Variants in NR1H4 observed in about 807,000 individuals in gnomAD.
NR1H4 encodes nuclear receptor subfamily 1 group H member 4, also known as bile acid receptor.
NR1H4 carries 23 observed loss-of-function variants against 58.5 expected under a neutral mutation model. The observed-to-expected ratio is 0.39, with a 90% CI of 0.28 to 0.56. NR1H4 has a LOEUF of 0.56. Ranked by LOEUF, NR1H4 falls within the 20% of genes least tolerant of loss-of-function variation. The pLI is 0.58. For missense variants in NR1H4, 487 were observed against 576.9 expected (o/e 0.84, Z 1.60); for synonymous variants, 214 against 198.0 (o/e 1.08, Z -0.68).
At chr12:100,540,114 T>G (rs1383571226) in intron 8 of NR1H4, among the ~76,000 whole-genome samples, 4 of 152,310 alleles carry the variant, frequency 2.6e-5, no homozygotes, top group Admixed American at 6.5e-5. Flanking sequence ...GAGTGTTATA[T>G]TCCATCAGGT....
intron 9 of NR1H4, among the ~76,000 whole-genome samples, chr12:100,559,724 C>T (rs1327810710): frequency 2.0e-5 from 3 of 152,254 alleles, no homozygotes; most frequent in Admixed American, 1.3e-4. Context: ...CCCTGCTCCA[C>T]GGCGCCCAGT....
In NR1H4 at chr12:100,503,412, G is replaced by T. The variant is rs202244290; in HGVS notation, c.80-7366G>T. On this transcript the variant is annotated intron_variant, in intron 3 of 10. Coordinates refer to ENST00000392986, the MANE Select transcript of NR1H4 (RefSeq NM_001206979.2). ...AATGGTAATGCAGTTTCAGGGGTTA[G>T]AAAATCCAATTCAAATTAGTCCTCA... The T allele has an allele frequency of 3.8e-5, 61 of 1,597,478 alleles. No individual in the cohort carries two copies. Among genetic ancestry groups the T allele is most frequent in the Non-Finnish European group, 4.8e-5 (57 of 1,179,406 alleles).
intron 9 of NR1H4, among the ~76,000 whole-genome samples, chr12:100,561,243 A>G (rs1955464850): frequency 6.6e-6 from 1 of 151,514 alleles, no homozygotes; most frequent in Non-Finnish European, 1.5e-5. Context: ...AAAAAATACC[A>G]AAAAATTAGC....
Position 100,547,966 on chromosome 12 carries a change from C to T in NR1H4, c.1078+7148C>T, listed in dbSNP as rs903465511. 2.6e-3 allele frequency among the ~76,000 whole-genome samples: 399 copies of T among 151,132 alleles called. 6 individuals carry two copies. Among genetic ancestry groups the T allele is most frequent in the East Asian group, 1.6e-3 (8 of 4,974 alleles). The stretch of plus-strand genomic sequence containing the variant: ...CGATCTCCTGACCTCATGATTCGCC[C>T]GCCTTGGCCTCCCAAAGTGCTGGGA... On this transcript the variant is annotated intron_variant, in intron 9 of 10. Transcript: ENST00000392986.
Position 100,561,878 on chromosome 12 carries a change from C to G in NR1H4, c.1079-7C>G. On this transcript the variant is annotated splice_polypyrimidine_tract_variant and splice_region_variant and intron_variant, in intron 9 of 10. Transcript: ENST00000392986. The stretch of plus-strand genomic sequence containing the variant: ...AATTGTATTATGATTGCAACTTTCC[C>G]CCACAGGTATCTCTGATGAATATAT... The G allele has an allele frequency of 9.0e-7, 1 of 1,109,956 alleles. No homozygotes were observed. The highest frequency in any genetic ancestry group is 1.5e-5 in the African/African-American group (1 of 65,184). The allele number at this position is 1,109,956 out of a possible 1,614,324, so 68.8% of individuals were successfully genotyped here.
intron 9 of NR1H4, among the ~76,000 whole-genome samples, chr12:100,550,474 C>CCAGCCT (rs1282350884): frequency 1.3e-5 from 2 of 152,112 alleles, no homozygotes; most frequent in Non-Finnish European, 2.9e-5. Context: ...AGGCAATTCT[C>CCAGCCT]CAGCCTCAGC....
chr12:100,481,479 T>C (rs562695792), intron 1 of NR1H4, among the ~76,000 whole-genome samples: 1 of 152,252 alleles, frequency 6.6e-6, no homozygotes, highest in South Asian at 2.1e-4. Flanking sequence ...CGAGATTAAT[T>C]AAAACTATTT....
intron 4 of NR1H4, among the ~76,000 whole-genome samples, chr12:100,523,378 A>G (rs1240956294): frequency 6.6e-6 from 1 of 151,882 alleles, no homozygotes; most frequent in African/African-American, 2.4e-5. Flanking sequence ...TATTCATGTC[A>G]TTTGTCCACT....
At position 100,493,314 on chromosome 12, in the gene NR1H4, A is replaced by G. The variant is rs1953643043; in HGVS notation, c.-10A>G. 1 of 1,474,754 alleles carries G rather than the reference A, an allele frequency of 6.8e-7. No homozygotes were observed. The allele number at this position is 1,474,754 out of a possible 1,614,324, so 91.4% of individuals were successfully genotyped here. A position where few individuals can be genotyped will look rare whatever the true frequency, so the allele number is the denominator to read the frequency against. On this transcript the variant is annotated 5_prime_UTR_variant, in exon 3 of 11. Coordinates refer to ENST00000392986, the MANE Select transcript of NR1H4 (RefSeq NM_001206979.2). ...CCATAAAGAAAGTGCATTTCAATTGAAAAATTTGGATGGGATCAAAAATGA... is the reference window on the plus strand; with the variant it reads ...CCATAAAGAAAGTGCATTTCAATTGGAAAATTTGGATGGGATCAAAAATGA...
chr12:100,513,483 C>T lies in NR1H4; in HGVS notation c.445+2340C>T, dbSNP rs548339019. ...AATGGTGTGGAATAAAGCAGGAAAA[C>T]ATTTCTAATTGGTTAGAAAAATAAA... On this transcript the variant is annotated intron_variant, in intron 4 of 10. Transcript: ENST00000392986. Among the ~76,000 whole-genome samples, 12 of 152,204 alleles carry T rather than the reference C, an allele frequency of 7.9e-5. 1 individual carries two copies. Among genetic ancestry groups the T allele is most frequent in the African/African-American group, 2.9e-4 (12 of 41,532 alleles).
intron 9 of NR1H4, among the ~76,000 whole-genome samples, chr12:100,557,763 T>C (rs1955364514): frequency 6.6e-6 from 1 of 152,228 alleles, no homozygotes; most frequent in Non-Finnish European, 1.5e-5. Context: ...CTGGTAAGTA[T>C]ACCTTAGATG....
chr12:100,560,622 T>A (rs949541450), intron 9 of NR1H4, among the ~76,000 whole-genome samples: 3 of 152,136 alleles, frequency 2.0e-5, no homozygotes, highest in Non-Finnish European at 4.4e-5. Context: ...TGTGCCACCT[T>A]AAGAGCTGTA....
intron 4 of NR1H4, among the ~76,000 whole-genome samples, chr12:100,529,528 C>A (rs1954641378): frequency 6.6e-6 from 1 of 152,192 alleles, no homozygotes; most frequent in South Asian, 2.1e-4. Flanking sequence ...GTTCCTGTTA[C>A]AACTGCTTAC....
intron 5 of NR1H4, among the ~76,000 whole-genome samples, chr12:100,533,358 G>C (rs939081806): frequency 6.6e-6 from 1 of 152,198 alleles, no homozygotes; most frequent in African/African-American, 2.4e-5. Flanking sequence ...ACAGCATTCA[G>C]GCAGGGAATG....
intron 4 of NR1H4, among the ~76,000 whole-genome samples, chr12:100,519,337 G>T (rs1285714853): frequency 3.3e-5 from 5 of 152,146 alleles, no homozygotes; most frequent in African/African-American, 1.2e-4. Context: ...TGGAGGGATT[G>T]GGCACTGGGG....
chr12:100,543,490 T>G (rs1954985188), intron 9 of NR1H4, among the ~76,000 whole-genome samples: 1 of 152,196 alleles, frequency 6.6e-6, no homozygotes, highest in East Asian at 1.9e-4. Flanking sequence ...GGGAGATATA[T>G]CTTCGTGGCT....
rs1955522147 is a variant in NR1H4 at position 100,563,542 on chromosome 12, A to G, written c.*53A>G. ...CCTTTTTCTCTCTCATATTAATCTG[A>G]TGTATAACTTTCCTTTATTTCACTT... On this transcript the variant is annotated 3_prime_UTR_variant, in exon 11 of 11. Transcript: ENST00000392986. The G allele has an allele frequency of 2.2e-6, 3 of 1,340,082 alleles. No homozygotes were observed. The highest frequency in any genetic ancestry group is 3.4e-5 in the Admixed American group (2 of 59,408). 83.0% of individuals were successfully genotyped at this position (1,340,082 alleles called of 1,614,324 possible).
chr12:100,499,312 G>C (rs183456427), intron 3 of NR1H4, among the ~76,000 whole-genome samples: 9 of 152,318 alleles, frequency 5.9e-5, no homozygotes, highest in African/African-American at 2.2e-4. Context: ...CCAAAAGATA[G>C]AGAGATACCA....
chr12:100,545,677 G>T (rs1444302371), intron 9 of NR1H4, among the ~76,000 whole-genome samples: 3 of 140,850 alleles, frequency 2.1e-5, no homozygotes, highest in African/African-American at 3.1e-5. Context: ...AAACCAAACG[G>T]GGGGCATATA....
Sources: allele counts gnomAD v4.1 joint callset (sites outside exome capture counted in the v4.1 genomes callset), GRCh38; gene constraint gnomAD v4.1.1; transcripts MANE v1.5; gene names NCBI Gene and HGNC (gene_info 2026-07-23, HGNC 2026-07-21).